Variants in CDH1 observed in about 807,000 individuals in gnomAD.
CDH1 encodes cadherin-1.
CDH1 carries 35 observed loss-of-function variants against 84.5 expected under a neutral mutation model. That is an observed-to-expected ratio of 0.41 (90% CI 0.32 to 0.55). The LOEUF is 0.55. CDH1 is among the 20% of genes least tolerant of loss of function. The pLI, the probability that CDH1 is intolerant of heterozygous loss-of-function variation, is 0.19. For synonymous variants in CDH1, 417 were observed against 439.0 expected (o/e 0.95, Z 0.63); for missense variants, 994 against 1,126.6 (o/e 0.88, Z 1.68).
At chr16:68,742,927 T>C (rs1271230596) in intron 2 of CDH1, among the ~76,000 whole-genome samples, 2 of 152,200 alleles carry the variant, frequency 1.3e-5, no homozygotes, top group African/African-American at 2.4e-5. Context: ...CTGAGCTTAC[T>C]GGGAAAGAAG....
In CDH1 at chr16:68,793,990, C is replaced by G. The variant is rs998556829; in HGVS notation, c.164-7680C>G. 4.0e-5 allele frequency among the ~76,000 whole-genome samples: 6 copies of G among 150,606 alleles called. 1 individual carries two copies. The highest frequency in any genetic ancestry group is 6.6e-5 in the Admixed American group (1 of 15,092). On this transcript the variant is annotated intron_variant, in intron 2 of 15. Coordinates refer to ENST00000261769, the MANE Select transcript of CDH1 (RefSeq NM_004360.5). ...AAAATCCCTACCACACAGGACTGCT[C>G]TATCTAATAAGGACATAGACTGTTG...
At chr16:68,813,181 C>T (rs1567507622) in intron 8 of CDH1, 132 bp from the exon 9 acceptor site, 2 of 921,632 alleles carry the variant, frequency 2.2e-6, no homozygotes, top group Non-Finnish European at 1.7e-6. Context: ...CGCTCAAATA[C>T]ACTCCAGCCT....
chr16:68,772,707 G>T (rs1250972675), intron 2 of CDH1, among the ~76,000 whole-genome samples: 1 of 152,184 alleles, frequency 6.6e-6, no homozygotes, highest in African/African-American at 2.4e-5. Flanking sequence ...GGCCGAGGCA[G>T]GTGGATCGCT....
intron 2 of CDH1, among the ~76,000 whole-genome samples, chr16:68,787,224 G>A (rs192678690): frequency 4.5e-4 from 69 of 152,258 alleles, no homozygotes; most frequent in African/African-American, 1.6e-3. Flanking sequence ...CTCTCCCTCC[G>A]CAAGCCTAGT....
At chr16:68,820,582 C>A (rs1179553762) in intron 11 of CDH1, among the ~76,000 whole-genome samples, 1 of 152,084 alleles carries the variant, frequency 6.6e-6, no homozygotes, top group Non-Finnish European at 1.5e-5. Context: ...GAACTCCTGA[C>A]CTTGTGATCT....
intron 2 of CDH1, among the ~76,000 whole-genome samples, chr16:68,766,610 T>A (rs1048306567): frequency 1.3e-4 from 20 of 152,232 alleles, no homozygotes; most frequent in African/African-American, 4.3e-4. Context: ...TGATAATGGG[T>A]AAACATAATT....
In CDH1 at chr16:68,834,292, C is replaced by T. The variant is rs1027473291; in HGVS notation, c.*793C>T. The T allele has an allele frequency of 4.1e-5, 21 of 511,152 alleles. No individual in the cohort carries two copies. The highest frequency in any genetic ancestry group is 6.2e-5 in the South Asian group (4 of 64,900). The allele number at this position is 511,152 out of a possible 1,614,324, so 31.7% of individuals were successfully genotyped here. A position where few individuals can be genotyped will look rare whatever the true frequency, so the allele number is the denominator to read the frequency against. On this transcript the variant is annotated 3_prime_UTR_variant, in exon 16 of 16. Coordinates refer to ENST00000261769, the MANE Select transcript of CDH1 (RefSeq NM_004360.5). The stretch of plus-strand genomic sequence containing the variant: ...CCTGCCATTTTTTAAGAGACAGTTT[C>T]GCTCCATCGCCCAGGCCTGGGATGC...
intron 2 of CDH1, among the ~76,000 whole-genome samples, chr16:68,739,204 G>T (rs1346522462): frequency 6.6e-6 from 1 of 151,876 alleles, no homozygotes; most frequent in Non-Finnish European, 1.5e-5. Flanking sequence ...CACAAGGTCA[G>T]GAGTTCGAGA....
chr16:68,797,149 G>A (rs996107449), intron 2 of CDH1, among the ~76,000 whole-genome samples: 2 of 152,202 alleles, frequency 1.3e-5, no homozygotes, highest in Non-Finnish European at 2.9e-5. Flanking sequence ...AACTTTGGGA[G>A]GCTGAGGCAG....
chr16:68,782,484 G>C (rs528227644), intron 2 of CDH1, among the ~76,000 whole-genome samples: 1 of 152,316 alleles, frequency 6.6e-6, no homozygotes, highest in South Asian at 2.1e-4. Flanking sequence ...TAAGACTCAA[G>C]CGTTTAACTT....
chr16:68,833,479 G>A lies in CDH1; in HGVS notation c.2629G>A (p.Gly877Arg), dbSNP rs555842031. 14 of 1,613,988 alleles carry A rather than the reference G, an allele frequency of 8.7e-6. No homozygotes were observed. The highest frequency in any genetic ancestry group is 1.3e-5 in the African/African-American group (1 of 75,032). ...NRFKKLADMY[G>R]GGEDD ...CTTCAAGAAGCTGGCTGACATGTAC[G>A]GAGGCGGCGAGGACGACTAGGGGAC... Residue 877 changes from glycine (G) to arginine (R), a missense_variant, in exon 16 of 16, where the codon GGA (glycine) becomes AGA (arginine). Transcript: ENST00000261769.
chr16:68,742,512 C>T (rs1473324659), intron 2 of CDH1: 1 of 161,702 alleles, frequency 6.2e-6, no homozygotes, highest in Non-Finnish European at 1.3e-5. Context: ...CGCCCGATCT[C>T]GTCTGATCTC....
Position 68,738,964 on chromosome 16 carries a change from T to TTTTTTTTTTTTTTTTTTTTTTTTTA in CDH1, c.163+553_163+554insTTTTTTTTTTTTTTTTTTTTTTTTA, listed in dbSNP as rs555202424. On this transcript the variant is annotated intron_variant, in intron 2 of 15. Transcript: ENST00000261769. ...TTTTTTTTTTTTTTTTTTTTTTTTT[T>TTTTTTTTTTTTTTTTTTTTTTTTTA]AAAGACAGGGTCTTGCTCTGTTGCC... Among the ~76,000 whole-genome samples the TTTTTTTTTTTTTTTTTTTTTTTTTA allele has an allele frequency of 3.1e-5, 2 of 65,364 alleles. 1 individual carries two copies. The highest frequency in any genetic ancestry group is 5.6e-5 in the Non-Finnish European group (2 of 35,546). The allele number at this position is 65,364 out of a possible 152,430, so 42.9% of individuals were successfully genotyped here. A position where few individuals can be genotyped will look rare whatever the true frequency, so the allele number is the denominator to read the frequency against.
chr16:68,794,573 GTGGT>G (rs1960303960), intron 2 of CDH1, among the ~76,000 whole-genome samples: 5 of 151,908 alleles, frequency 3.3e-5, no homozygotes, highest in Non-Finnish European at 1.5e-5. Context: ...AGGGTGGAGT[GTGGT>G]GGTACAATCA....
At chr16:68,755,282 CAAAAAAA>C (rs1188775959) in intron 2 of CDH1, among the ~76,000 whole-genome samples, 26 of 96,028 alleles carry the variant, frequency 2.7e-4, no homozygotes, top group Middle Eastern at 6.4e-3. Context: ...GACTCTGTCT[CAAAAAAA>C]AAAAAAAAAA....
At chr16:68,785,383 G>A (rs1251239171) in intron 2 of CDH1, among the ~76,000 whole-genome samples, 1 of 152,086 alleles carries the variant, frequency 6.6e-6, no homozygotes, top group African/African-American at 2.4e-5. Context: ...GTAGAGACAC[G>A]GTTTTACCAT....
At chr16:68,822,454 C>T in intron 12 of CDH1, 2 of 595,188 alleles carry the variant, frequency 3.4e-6, no homozygotes, top group Non-Finnish European at 6.1e-6. Flanking sequence ...AAGCAGGGCT[C>T]CCTCTCCCAG....
At chr16:68,776,357 T>C (rs1431222245) in intron 2 of CDH1, among the ~76,000 whole-genome samples, 2 of 152,212 alleles carry the variant, frequency 1.3e-5, no homozygotes, top group African/African-American at 2.4e-5. Context: ...TTTTTAATAA[T>C]GACCAACGTT....
At position 68,811,827 on chromosome 16, in the gene CDH1, A is replaced by G. The variant is rs1567506764; in HGVS notation, c.976A>G (p.Ile326Val). The G allele has an allele frequency of 6.2e-7, 1 of 1,614,202 alleles. No individual in the cohort carries two copies. ...CACCATTAACAGGAACACAGGAGTCATCAGTGTGGTCACCACTGGGCTGGA... is the reference window on the plus strand; with the variant it reads ...CACCATTAACAGGAACACAGGAGTCGTCAGTGTGGTCACCACTGGGCTGGA... ...MFTINRNTGV[I>V]SVVTTGLDRE... Residue 326 changes from isoleucine (I) to valine (V), a missense_variant, in exon 7 of 16, where the codon ATC becomes GTC. Ile to Val is a conservative substitution (Grantham distance 29). This residue lies in a region of CDH1 where 769 missense variants were observed against 881.8 expected (regional missense o/e 0.87). Coordinates refer to ENST00000261769, the MANE Select transcript of CDH1 (RefSeq NM_004360.5).
Sources: allele counts gnomAD v4.1 joint callset (sites outside exome capture counted in the v4.1 genomes callset), GRCh38; gene constraint gnomAD v4.1.1; regional missense constraint gnomAD v4.1.1; transcripts MANE v1.5; gene names NCBI Gene and HGNC (gene_info 2026-07-23, HGNC 2026-07-21).